Variants in AFF1 observed in about 807,000 individuals in gnomAD.
AFF1 encodes AF4/FMR2 family member 1.
A neutral mutation model predicts 121.7 loss-of-function variants in AFF1; 48 were observed. The ratio of observed to expected loss-of-function variants is 0.39; its 90% CI spans 0.31 to 0.50. The LOEUF (loss-of-function observed/expected upper bound fraction) is 0.50. Among genes scored for constraint, AFF1 ranks in the 20% least tolerant of loss-of-function variants. AFF1 has a pLI of 0.76. For synonymous variants in AFF1, 613 were observed against 563.0 expected (o/e 1.09, Z -1.26); for missense variants, 1,523 against 1,511.7 (o/e 1.01, Z -0.12).
chr4:87,038,660 C>T (rs982870656), intron 2 of AFF1, among the ~76,000 whole-genome samples: 5 of 152,116 alleles, frequency 3.3e-5, no homozygotes, highest in East Asian at 1.9e-4. Flanking sequence ...CTGGGATTGC[C>T]GAACTTTTGT....
At chr4:86,971,385 T>C (rs1429194897) in intron 2 of AFF1, among the ~76,000 whole-genome samples, 1 of 152,188 alleles carries the variant, frequency 6.6e-6, no homozygotes, top group African/African-American at 2.4e-5. Flanking sequence ...TGCCTCTGAT[T>C]TATGATATTT....
chr4:87,047,484 C>A lies in AFF1; in HGVS notation c.949C>A (p.Leu317Met). Residue 317 changes from leucine to methionine, a missense_variant, in exon 4 of 21, where the codon CTG (leucine) becomes ATG (methionine). This residue lies in a region of AFF1 where 905 missense variants were observed against 842.5 expected (regional missense o/e 1.07). Transcript: ENST00000395146. ...QDQAPSESPE[L>M]KPLPEDYRQQ... ...TCAGGCCCCTAGTGAATCCCCTGAA[C>A]TGAAACCACTGCCGGAGGACTATCG... 6.2e-7 allele frequency: 1 copy of A among 1,614,192 alleles called. No individual in the cohort carries two copies.
intron 1 of AFF1, among the ~76,000 whole-genome samples, chr4:86,944,367 C>G (rs1019917032): frequency 9.9e-5 from 6 of 60,464 alleles, no homozygotes; most frequent in Non-Finnish European, 4.2e-5. Context: ...GAATAATTTT[C>G]TGGAGGTTTT....
intron 2 of AFF1, among the ~76,000 whole-genome samples, chr4:87,045,797 A>C (rs996618776): frequency 6.6e-6 from 1 of 152,130 alleles, no homozygotes; most frequent in African/African-American, 2.4e-5. Flanking sequence ...TGCAGATGAA[A>C]AGCTTCCACC....
chr4:87,091,272 G>A (rs1578231126), intron 6 of AFF1, among the ~76,000 whole-genome samples: 3 of 149,664 alleles, frequency 2.0e-5, no homozygotes, highest in African/African-American at 7.4e-5. Flanking sequence ...GTGTGGTGGC[G>A]GGCACCTGTA....
In AFF1 at chr4:87,046,881, A is replaced by C; in HGVS notation, c.346A>C (p.Thr116Pro). Residue 116 changes from threonine (T) to proline (P), a missense_variant, in exon 4 of 21, where the codon ACT (threonine) becomes CCT (proline). By Grantham distance (38) the Thr-to-Pro change is conservative. Transcript: ENST00000395146. ...GSSIPSSSFH[T>P]SVHHQSIHTP... ...CAGCATTCCATCCAGCTCCTTCCAC[A>C]CTAGTGTCCACCACCAGTCCATTCA... 6.2e-7 allele frequency: 1 copy of C among 1,614,182 alleles called. No individual in the cohort carries two copies. The highest frequency in any genetic ancestry group is 1.1e-5 in the South Asian group (1 of 91,086).
chr4:86,978,284 A>G (rs2149487661), intron 2 of AFF1, among the ~76,000 whole-genome samples: 1 of 138,610 alleles, frequency 7.2e-6, no homozygotes, highest in East Asian at 2.2e-4. Context: ...CCTGGGTTCA[A>G]GCGATTCTCC....
intron 2 of AFF1, among the ~76,000 whole-genome samples, chr4:87,041,523 C>G (rs1324728194): frequency 6.6e-6 from 1 of 152,164 alleles, no homozygotes; most frequent in Non-Finnish European, 1.5e-5. Flanking sequence ...CTAACTGACT[C>G]AGGTTTGAGA....
chr4:87,069,137 C>G (rs1474456638), intron 4 of AFF1, among the ~76,000 whole-genome samples: 1 of 152,110 alleles, frequency 6.6e-6, no homozygotes, highest in East Asian at 1.9e-4. Context: ...TCAAAATGAC[C>G]TCTGTGGTTT....
intron 4 of AFF1, among the ~76,000 whole-genome samples, chr4:87,057,027 T>C (rs2149641059): frequency 6.6e-6 from 1 of 152,324 alleles, no homozygotes; most frequent in Admixed American, 6.5e-5. Context: ...GGTTCCAGAG[T>C]CCACAGTCTT....
At chr4:87,051,799 C>A (rs1195881664) in intron 4 of AFF1, among the ~76,000 whole-genome samples, 1 of 152,118 alleles carries the variant, frequency 6.6e-6, no homozygotes, top group Non-Finnish European at 1.5e-5. Flanking sequence ...CCACTGTGTT[C>A]CATGCACTGT....
At chr4:87,133,764 C>A (rs1729060580) in intron 19 of AFF1, among the ~76,000 whole-genome samples, 1 of 152,214 alleles carries the variant, frequency 6.6e-6, no homozygotes, top group African/African-American at 2.4e-5. Flanking sequence ...CATCATCTTT[C>A]CATTTTATAT....
Position 87,007,109 on chromosome 4 carries a change from G to A in AFF1, c.39-39057G>A, listed in dbSNP as rs1340064149. 5 of 1,267,032 alleles carry A rather than the reference G, an allele frequency of 3.9e-6. No individual in the cohort carries two copies. In the East Asian group the frequency reaches 1.3e-4, roughly 34 times the overall value. 78.5% of individuals were successfully genotyped at this position (1,267,032 alleles called of 1,614,324 possible). A position where few individuals can be genotyped will look rare whatever the true frequency, so the allele number is the denominator to read the frequency against. ...TTCCCTTCTCAGAAACTGCGCCGGG[G>A]GCGCTCGCTTGCCCCGGATTCGGAC... On this transcript the variant is annotated intron_variant, in intron 2 of 20. Transcript: ENST00000395146.
intron 8 of AFF1, 86 bp from the exon 9 acceptor site, chr4:87,105,542 A>G: frequency 6.9e-7 from 1 of 1,446,334 alleles, no homozygotes; most frequent in Non-Finnish European, 9.7e-7. Flanking sequence ...TCTTTGTTTA[A>G]TTAGGCATAT....
At chr4:87,054,268 A>G (rs1731538092) in intron 4 of AFF1, among the ~76,000 whole-genome samples, 1 of 152,186 alleles carries the variant, frequency 6.6e-6, no homozygotes, top group Non-Finnish European at 1.5e-5. Context: ...GGCCACAGGG[A>G]GCTACAGGGG....
intron 2 of AFF1, among the ~76,000 whole-genome samples, chr4:86,986,937 G>A (rs1724332228): frequency 6.6e-6 from 1 of 151,692 alleles, no homozygotes; most frequent in Non-Finnish European, 1.5e-5. Flanking sequence ...GGCTTGCTGG[G>A]TACAAGTGAT....
At chr4:87,045,391 T>C (rs1730575389) in intron 2 of AFF1, among the ~76,000 whole-genome samples, 1 of 152,132 alleles carries the variant, frequency 6.6e-6, no homozygotes, top group South Asian at 2.1e-4. Flanking sequence ...TTTTGGTTTA[T>C]GTGTTGGTTA....
At position 86,967,443 on chromosome 4, in the gene AFF1, A is replaced by T. The variant is rs76353829; in HGVS notation, c.38+18872A>T. Among the ~76,000 whole-genome samples, 1,130 of 152,292 alleles carry T rather than the reference A, an allele frequency of 7.4e-3. 17 individuals carry two copies. The highest frequency in any genetic ancestry group is 0.026 in the African/African-American group (1,063 of 41,552). ...GTGAGCCATGCTAAGAAATTTGACC[A>T]TGTATTTAGGGTAATGGGAAGCCAT... On this transcript the variant is annotated intron_variant, in intron 2 of 20. Coordinates refer to ENST00000395146, the MANE Select transcript of AFF1 (RefSeq NM_001166693.3).
intron 4 of AFF1, among the ~76,000 whole-genome samples, chr4:87,054,907 C>T (rs1719947574): frequency 1.3e-5 from 2 of 152,138 alleles, no homozygotes; most frequent in Non-Finnish European, 2.9e-5. Context: ...CCTACCGCCC[C>T]CCACACTTTT....
Sources: allele counts gnomAD v4.1 joint callset (sites outside exome capture counted in the v4.1 genomes callset), GRCh38; gene constraint gnomAD v4.1.1; regional missense constraint gnomAD v4.1.1; transcripts MANE v1.5; gene names NCBI Gene and HGNC (gene_info 2026-07-23, HGNC 2026-07-21).